The following ITK variants were observed in gnomAD, a reference collection of about 807,000 sequenced individuals.
The protein encoded by ITK is IL2 inducible T cell kinase.
ITK carries 45 observed loss-of-function variants against 87.6 expected under a neutral mutation model. The observed-to-expected ratio is 0.51, with a 90% CI of 0.40 to 0.66. ITK has a LOEUF of 0.66. ITK is among the 30% of genes least tolerant of loss of function. The probability of loss-of-function intolerance (pLI) is 0.00; values close to 1 mark genes in which losing one functional copy is unlikely to be tolerated. For missense variants in ITK, 605 were observed against 766.3 expected (o/e 0.79, Z 2.48); for synonymous variants, 303 against 273.6 (o/e 1.11, Z -1.06).
intron 1 of ITK, chr5:157,195,586 G>A (rs181860159): frequency 5.6e-4 from 85 of 152,262 alleles, no homozygotes; most frequent in African/African-American, 2.0e-3. Flanking sequence ...TTTGTCCCAA[G>A]TCACATTGCT....
At chr5:157,241,099 C>A (rs13159987) in intron 10 of ITK, 2,506 of 153,342 alleles carry the variant, frequency 0.016, 30 homozygotes, top group Non-Finnish European at 0.027. Context: ...CACCACATCC[C>A]GCTAATTTTG....
At chr5:157,214,361 A>G in intron 4 of ITK, 42 bp downstream of exon 4, 2 of 1,568,204 alleles carry the variant, frequency 1.3e-6, no homozygotes, top group Non-Finnish European at 1.8e-6. Flanking sequence ...TGAAATGACC[A>G]TAAAAAAGTA....
chr5:157,213,426 G>C, intron 3 of ITK: 2 of 349,706 alleles, frequency 5.7e-6, no homozygotes, highest in Non-Finnish European at 1.1e-5. Context: ...TACCCAGGCT[G>C]GAGTGCAGTA....
At chr5:157,236,746 T>A (rs1754783402) in intron 8 of ITK, among the ~76,000 whole-genome samples, 2 of 152,172 alleles carry the variant, frequency 1.3e-5, no homozygotes, top group Non-Finnish European at 1.5e-5. Flanking sequence ...CAAGAATGAA[T>A]AAAATGGTAT....
At chr5:157,201,823 A>C (rs1753982242) in intron 1 of ITK, among the ~76,000 whole-genome samples, 1 of 152,142 alleles carries the variant, frequency 6.6e-6, no homozygotes, top group Non-Finnish European at 1.5e-5. Flanking sequence ...AAGATACAAG[A>C]TCAACATACA....
chr5:157,208,664 A>G, intron 1 of ITK, among the ~76,000 whole-genome samples: 1 of 152,068 alleles, frequency 6.6e-6, no homozygotes, highest in African/African-American at 2.4e-5. Flanking sequence ...CTGAGTGGAA[A>G]CCTGTCACCA....
chr5:157,249,084 C>A (rs1157207279), intron 16 of ITK, 77 bp downstream of exon 16: 2 of 1,288,326 alleles, frequency 1.6e-6, no homozygotes, highest in South Asian at 1.2e-5. Flanking sequence ...AGAAAGGAAC[C>A]CTCTCAGAAG....
rs551552523 is a variant in ITK at position 157,215,014 on chromosome 5, T to C, written c.454+695T>C. Among the ~76,000 whole-genome samples, 16 of 152,342 alleles carry C rather than the reference T, an allele frequency of 1.1e-4. No homozygotes were observed. The East Asian group carries it at 2.7e-3, about 26-fold the overall frequency. ...GGGATTGGGCTGCAACTGGATTTTA[T>C]TGATGACTTTGGAACCTTAACCTCC... On this transcript the variant is annotated intron_variant, in intron 4 of 16. Coordinates refer to ENST00000422843, the MANE Select transcript of ITK (RefSeq NM_005546.4).
At position 157,214,990 on chromosome 5, in the gene ITK, G is replaced by A. The variant is rs79507488; in HGVS notation, c.454+671G>A. ...TTGACAGTAAAGGCTCAGGTCCAGG[G>A]GATTGGGCTGCAACTGGATTTTATT... On this transcript the variant is annotated intron_variant, in intron 4 of 16. Transcript: ENST00000422843. 5.7e-3 allele frequency among the ~76,000 whole-genome samples: 865 copies of A among 152,226 alleles called. 10 individuals carry two copies. Among genetic ancestry groups the A allele is most frequent in the African/African-American group, 0.02 (832 of 41,526 alleles).
chr5:157,191,882 G>T (rs888287035), intron 1 of ITK, among the ~76,000 whole-genome samples: 5 of 152,098 alleles, frequency 3.3e-5, no homozygotes, highest in African/African-American at 1.2e-4. Flanking sequence ...AGCTTCTTAG[G>T]ATAGAGTGCC....
intron 1 of ITK, among the ~76,000 whole-genome samples, chr5:157,187,617 A>C (rs938878932): frequency 6.6e-6 from 1 of 152,180 alleles, no homozygotes. Context: ...AGGAAGATTC[A>C]GATATTCAGG....
intron 6 of ITK, among the ~76,000 whole-genome samples, chr5:157,227,503 A>T (rs1018538257): frequency 6.6e-6 from 1 of 152,216 alleles, no homozygotes; most frequent in Non-Finnish European, 1.5e-5. Flanking sequence ...TAAAAAGCTT[A>T]CAATGCCAAC....
chr5:157,238,315 C>T, intron 9 of ITK, 124 bp downstream of exon 9: 1 of 770,818 alleles, frequency 1.3e-6, no homozygotes, highest in African/African-American at 1.7e-5. Context: ...GGTCTGTTTT[C>T]CCTCTTTACT....
intron 1 of ITK, among the ~76,000 whole-genome samples, chr5:157,184,207 G>T (rs1753597455): frequency 6.6e-6 from 1 of 152,172 alleles, no homozygotes; most frequent in Non-Finnish European, 1.5e-5. Context: ...AGAGATAAGG[G>T]CACATGGATG....
intron 1 of ITK, among the ~76,000 whole-genome samples, chr5:157,192,057 C>T (rs1753762471): frequency 6.6e-6 from 1 of 152,110 alleles, no homozygotes; most frequent in Non-Finnish European, 1.5e-5. Flanking sequence ...TAAAAAGGAA[C>T]TAATAGAAAC....
intron 4 of ITK, among the ~76,000 whole-genome samples, chr5:157,215,056 A>T (rs1278764375): frequency 6.6e-6 from 1 of 152,100 alleles, no homozygotes; most frequent in Non-Finnish European, 1.5e-5. Flanking sequence ...GTACAACTCC[A>T]CTCGAATGCA....
intron 1 of ITK, among the ~76,000 whole-genome samples, chr5:157,191,964 C>T (rs897923686): frequency 6.6e-6 from 1 of 152,114 alleles, no homozygotes; most frequent in Non-Finnish European, 1.5e-5. Flanking sequence ...CATCATCTTC[C>T]AAAGAGATTG....
At chr5:157,217,985 C>G (rs1024837927) in intron 5 of ITK, 78 bp downstream of exon 5, 101 of 1,254,136 alleles carry the variant, frequency 8.1e-5, no homozygotes, top group Non-Finnish European at 6.2e-5. Flanking sequence ...GCATGTCCCC[C>G]TCTCCCCATA....
chr5:157,180,929 T>C lies in ITK; in HGVS notation c.-49T>C. 3 of 1,601,968 alleles carry C rather than the reference T, an allele frequency of 1.9e-6. No individual in the cohort carries two copies. Among genetic ancestry groups the C allele is most frequent in the Non-Finnish European group, 2.6e-6 (3 of 1,169,542 alleles). On this transcript the variant is annotated 5_prime_UTR_variant, in exon 1 of 17. Coordinates refer to ENST00000422843, the MANE Select transcript of ITK (RefSeq NM_005546.4). The stretch of plus-strand genomic sequence containing the variant: ...TTGCCCCAAAACTCTTTCCTTTGGT[T>C]GTGCTAAGAGGTGATGCCCAAGGTG...
Sources: allele counts gnomAD v4.1 joint callset (sites outside exome capture counted in the v4.1 genomes callset), GRCh38; gene constraint gnomAD v4.1.1; transcripts MANE v1.5; gene names NCBI Gene and HGNC (gene_info 2026-07-23, HGNC 2026-07-21).